Variants in DACH1 observed in about 807,000 individuals in gnomAD.
DACH1 encodes the protein dachshund homolog 1.
In DACH1, 12 loss-of-function variants were observed where a neutral mutation model predicts 54.2. The ratio of observed to expected loss-of-function variants is 0.22; its 90% CI spans 0.14 to 0.36. The LOEUF (loss-of-function observed/expected upper bound fraction) is 0.36. DACH1 is among the 10% of genes least tolerant of loss of function. DACH1 has a pLI of 1.00. For missense variants in DACH1, 805 were observed against 929.8 expected, an observed-to-expected ratio of 0.87 and a Z score of 1.75; for synonymous variants, 386 against 366.2, an observed-to-expected ratio of 1.05 and a Z score of -0.62.
intron 10 of DACH1, among the ~76,000 whole-genome samples, chr13:71,445,546 ATAAT>A (rs1227103371): frequency 6.6e-6 from 1 of 152,198 alleles, no homozygotes; most frequent in Non-Finnish European, 1.5e-5. Flanking sequence ...CTATGATTAA[ATAAT>A]TATTAAACAT....
intron 7 of DACH1, among the ~76,000 whole-genome samples, chr13:71,487,775 A>G (rs1361670164): frequency 6.6e-6 from 1 of 152,240 alleles, no homozygotes; most frequent in Non-Finnish European, 1.5e-5. Context: ...ACTTTTCAGA[A>G]CATAAATTCA....
At chr13:71,757,672 C>G (rs1454073790) in intron 1 of DACH1, among the ~76,000 whole-genome samples, 1 of 151,898 alleles carries the variant, frequency 6.6e-6, no homozygotes, top group Non-Finnish European at 1.5e-5. Context: ...TACAGGCACC[C>G]GCCATTATGC....
At position 71,505,567 on chromosome 13, in the gene DACH1, G is replaced by A. The variant is rs1593802037; in HGVS notation, c.1571-16419C>T. Among the ~76,000 whole-genome samples the A allele has an allele frequency of 2.0e-5, 3 of 152,070 alleles. No homozygotes were observed. In the East Asian group the frequency reaches 5.8e-4, roughly 29 times the overall value. Reference sequence around the variant, plus strand: ...TACACTTAGTTACATAAGTACATAGGTACATATAGGTATATCATATGTAGA... The same window carrying A: ...TACACTTAGTTACATAAGTACATAGATACATATAGGTATATCATATGTAGA... On this transcript the variant is annotated intron_variant, in intron 6 of 10. Transcript: ENST00000613252.
At chr13:71,586,086 T>C (rs1873237849) in intron 3 of DACH1, among the ~76,000 whole-genome samples, 1 of 152,064 alleles carries the variant, frequency 6.6e-6, no homozygotes, top group Admixed American at 6.6e-5. Flanking sequence ...GCAGTTAATA[T>C]TTTTTTAATT....
At chr13:71,462,827 T>C (rs1014423483) in intron 10 of DACH1, among the ~76,000 whole-genome samples, 1 of 151,594 alleles carries the variant, frequency 6.6e-6, no homozygotes, top group Non-Finnish European at 1.5e-5. Flanking sequence ...AACAGCAGCA[T>C]GGGAATTTGA....
At chr13:71,856,109 T>G (rs1010232171) in intron 1 of DACH1, among the ~76,000 whole-genome samples, 5 of 151,874 alleles carry the variant, frequency 3.3e-5, no homozygotes, top group Admixed American at 2.6e-4. Flanking sequence ...AGAATAAAGG[T>G]ACTAAATATG....
At chr13:71,759,181 A>G (rs1885295690) in intron 1 of DACH1, among the ~76,000 whole-genome samples, 1 of 151,510 alleles carries the variant, frequency 6.6e-6, no homozygotes, top group Admixed American at 6.6e-5. Flanking sequence ...AGACTTGATG[A>G]CCTTTTCATC....
At chr13:71,622,831 G>A (rs981753252) in intron 3 of DACH1, among the ~76,000 whole-genome samples, 1 of 151,556 alleles carries the variant, frequency 6.6e-6, no homozygotes, top group Non-Finnish European at 1.5e-5. Flanking sequence ...TGATATGCTT[G>A]AATTAACAGG....
At chr13:71,635,994 G>A (rs1314883763) in intron 2 of DACH1, among the ~76,000 whole-genome samples, 1 of 152,064 alleles carries the variant, frequency 6.6e-6, no homozygotes, top group Admixed American at 6.6e-5. Flanking sequence ...ATGTTGGATA[G>A]GCTGGTCTCG....
chr13:71,837,118 C>A (rs746208876), intron 1 of DACH1, among the ~76,000 whole-genome samples: 1 of 151,414 alleles, frequency 6.6e-6, no homozygotes, highest in Non-Finnish European at 1.5e-5. Context: ...GCATTATTCT[C>A]ATTTTTTAAG....
At chr13:71,735,732 T>G (rs1884084850) in intron 1 of DACH1, among the ~76,000 whole-genome samples, 1 of 151,962 alleles carries the variant, frequency 6.6e-6, no homozygotes, top group South Asian at 2.1e-4. Flanking sequence ...AACATTTCTC[T>G]TATTCTAGAA....
intron 6 of DACH1, among the ~76,000 whole-genome samples, chr13:71,492,516 T>C (rs1879063473): frequency 6.6e-6 from 1 of 152,130 alleles, no homozygotes; most frequent in Non-Finnish European, 1.5e-5. Context: ...AAATGGCCCT[T>C]GGAAGGAGCT....
intron 10 of DACH1, among the ~76,000 whole-genome samples, chr13:71,453,051 A>G (rs1294918540): frequency 6.6e-6 from 1 of 152,216 alleles, no homozygotes; most frequent in African/African-American, 2.4e-5. Context: ...TCTTCTAATT[A>G]AATATTCATT....
intron 6 of DACH1, among the ~76,000 whole-genome samples, chr13:71,529,379 G>A (rs1882257961): frequency 6.6e-6 from 1 of 151,872 alleles, no homozygotes; most frequent in South Asian, 2.1e-4. Flanking sequence ...TAGAAATGGG[G>A]TTTCACCATG....
At chr13:71,642,726 A>T (rs926993766) in intron 2 of DACH1, among the ~76,000 whole-genome samples, 1 of 152,114 alleles carries the variant, frequency 6.6e-6, no homozygotes, top group African/African-American at 2.4e-5. Flanking sequence ...TTGGTTTAAA[A>T]ATTACTAACT....
intron 1 of DACH1, among the ~76,000 whole-genome samples, chr13:71,820,006 C>G (rs1024507744): frequency 2.1e-5 from 3 of 145,440 alleles, no homozygotes; most frequent in African/African-American, 7.5e-5. Flanking sequence ...GTGGCTCACT[C>G]CTGTAATCCC....
chr13:71,658,538 G>A (rs745821780), intron 2 of DACH1, among the ~76,000 whole-genome samples: 34 of 152,136 alleles, frequency 2.2e-4, no homozygotes, highest in Non-Finnish European at 4.1e-4. Context: ...CAATAAGAGC[G>A]AAACTCCATC....
At chr13:71,533,505 C>T (rs1280942087) in intron 6 of DACH1, among the ~76,000 whole-genome samples, 1 of 151,892 alleles carries the variant, frequency 6.6e-6, no homozygotes, top group African/African-American at 2.4e-5. Context: ...AAGTCATGAC[C>T]ACAGTTATTT....
chr13:71,734,977 CAG>C (rs911947487), intron 1 of DACH1, among the ~76,000 whole-genome samples: 7 of 85,408 alleles, frequency 8.2e-5, no homozygotes, highest in African/African-American at 1.9e-4. Context: ...TATACACACA[CAG>C]GATATATATA....
Sources: allele counts gnomAD v4.1 joint callset (sites outside exome capture counted in the v4.1 genomes callset), GRCh38; gene constraint gnomAD v4.1.1; transcripts MANE v1.5; gene names NCBI Gene and HGNC (gene_info 2026-07-23, HGNC 2026-07-21).